The following TMTC1 variants were observed in gnomAD, a reference collection of about 807,000 sequenced individuals.
TMTC1 encodes the protein protein O-mannosyl-transferase TMTC1.
Under a neutral mutation model 104.8 loss-of-function variants are expected in TMTC1, and 73 were observed. That is an observed-to-expected ratio of 0.70 (90% CI 0.58 to 0.85). TMTC1 has a LOEUF of 0.85. TMTC1 is among the 40% of genes least tolerant of loss of function. TMTC1 has a pLI of 0.00. For missense variants in TMTC1, 1,035 were observed against 1,096.1 expected, an observed-to-expected ratio of 0.94 and a Z score of 0.79; for synonymous variants, 434 against 428.7, an observed-to-expected ratio of 1.01 and a Z score of -0.15.
At chr12:29,755,236 G>C (rs1301331617) in intron 4 of TMTC1, among the ~76,000 whole-genome samples, 1 of 152,096 alleles carries the variant, frequency 6.6e-6, no homozygotes, top group Non-Finnish European at 1.5e-5. Flanking sequence ...CTGGCTCTTT[G>C]TGGAATTCCA....
chr12:29,644,858 C>T (rs1196700519), intron 5 of TMTC1, among the ~76,000 whole-genome samples: 2 of 152,166 alleles, frequency 1.3e-5, no homozygotes, highest in Non-Finnish European at 2.9e-5. Flanking sequence ...CTGGAATCAA[C>T]TCTCACAGGT....
chr12:29,519,226 G>C (rs981119053), intron 12 of TMTC1: 1 of 148,214 alleles, frequency 6.7e-6, no homozygotes, highest in Non-Finnish European at 1.5e-5. Flanking sequence ...ACATTTGTAT[G>C]GTTTTTGCAG....
At chr12:29,713,897 A>C (rs1197532918) in intron 5 of TMTC1, among the ~76,000 whole-genome samples, 1 of 152,180 alleles carries the variant, frequency 6.6e-6, no homozygotes, top group African/African-American at 2.4e-5. Context: ...TGTGTTGGTC[A>C]TGAGGGTGGG....
intron 5 of TMTC1, among the ~76,000 whole-genome samples, chr12:29,730,674 A>G (rs1184102731): frequency 6.6e-6 from 1 of 152,208 alleles, no homozygotes; most frequent in Admixed American, 6.5e-5. Flanking sequence ...CCTGAGGCCA[A>G]CAAAGATTTC....
In TMTC1 at chr12:29,580,249, G is replaced by T. The variant is rs1592264983; in HGVS notation, c.1418+3158C>A. The stretch of plus-strand genomic sequence containing the variant: ...TGAGAAGATCGCTTGAGTCTGAGAG[G>T]TCAAGGCTGCAGTGAGCCATGATCA... On this transcript the variant is annotated intron_variant, in intron 8 of 17. Transcript: ENST00000539277. Among the ~76,000 whole-genome samples the T allele has an allele frequency of 5.3e-5, 8 of 152,174 alleles. No homozygotes were observed. In the South Asian group the frequency reaches 1.7e-3, roughly 32 times the overall value.
At chr12:29,752,493 C>A (rs1943116204) in intron 4 of TMTC1, among the ~76,000 whole-genome samples, 1 of 152,208 alleles carries the variant, frequency 6.6e-6, no homozygotes, top group Non-Finnish European at 1.5e-5. Flanking sequence ...CTTTGCCCAG[C>A]AACTACACTT....
intron 15 of TMTC1, among the ~76,000 whole-genome samples, chr12:29,514,849 C>A (rs566719126): frequency 6.6e-6 from 1 of 151,776 alleles, no homozygotes; most frequent in South Asian, 2.1e-4. Context: ...CCTGTCTCTA[C>A]AAAAAAATAC....
chr12:29,660,469 G>A (rs1303744589), intron 5 of TMTC1, among the ~76,000 whole-genome samples: 1 of 152,140 alleles, frequency 6.6e-6, no homozygotes, highest in Admixed American at 6.5e-5. Context: ...AGCTGGGGGT[G>A]GTTTGTTATG....
intron 7 of TMTC1, among the ~76,000 whole-genome samples, chr12:29,586,404 T>G (rs1946135064): frequency 6.6e-6 from 1 of 152,208 alleles, no homozygotes; most frequent in Admixed American, 6.5e-5. Context: ...GACTTCCTCT[T>G]TTCCTAATTG....
intron 5 of TMTC1, among the ~76,000 whole-genome samples, chr12:29,657,411 A>C (rs1340196850): frequency 6.6e-6 from 1 of 152,230 alleles, no homozygotes; most frequent in Admixed American, 6.5e-5. Flanking sequence ...CATTAATACA[A>C]AGCTGGGTTA....
At chr12:29,745,956 A>G (rs1240449845) in intron 5 of TMTC1, among the ~76,000 whole-genome samples, 3 of 152,218 alleles carry the variant, frequency 2.0e-5, no homozygotes, top group African/African-American at 4.8e-5. Flanking sequence ...AGAGAATTCC[A>G]TAGTGAAATG....
rs780024454 is a variant in TMTC1, at chr12:29,768,040, T to C, written c.338A>G (p.Tyr113Cys). The change falls in exon 2 of 18, where the codon TAC becomes TGC. Residue 113 changes from tyrosine (Y) to cysteine (C), a missense_variant. Coordinates refer to ENST00000539277, the MANE Select transcript of TMTC1 (RefSeq NM_001193451.2). ...NIFLTGMNPF[Y>C]FHAVNIILHC... ...TAAAATTATATTTACTGCATGAAAG[T>C]AGAATGGGTTCATACCAGTCAAAAA... The C allele has an allele frequency of 6.2e-7, 1 of 1,613,374 alleles. No homozygotes were observed. The highest frequency in any genetic ancestry group is 8.5e-7 in the Non-Finnish European group (1 of 1,179,672).
chr12:29,607,894 C>A (rs1946745011), intron 6 of TMTC1, among the ~76,000 whole-genome samples: 1 of 152,130 alleles, frequency 6.6e-6, no homozygotes, highest in African/African-American at 2.4e-5. Context: ...TTACACACAG[C>A]CCGCCACCCT....
At chr12:29,685,806 T>C (rs1941073861) in intron 5 of TMTC1, among the ~76,000 whole-genome samples, 1 of 152,118 alleles carries the variant, frequency 6.6e-6, no homozygotes, top group African/African-American at 2.4e-5. Context: ...ATTCAAATTT[T>C]GTAAGATAGA....
intron 6 of TMTC1, among the ~76,000 whole-genome samples, chr12:29,611,891 A>G (rs1008956385): frequency 1.3e-5 from 2 of 152,194 alleles, no homozygotes; most frequent in Non-Finnish European, 2.9e-5. Context: ...AGCACATACC[A>G]TATGCCAGAC....
chr12:29,693,795 A>C lies in TMTC1; in HGVS notation c.938+57871T>G, dbSNP rs542164881. Among the ~76,000 whole-genome samples, 275 of 152,250 alleles carry C rather than the reference A, an allele frequency of 1.8e-3. 1 individual carries two copies. The highest frequency in any genetic ancestry group is 6.3e-3 in the African/African-American group (260 of 41,548). On this transcript the variant is annotated intron_variant, in intron 5 of 17. Coordinates refer to ENST00000539277, the MANE Select transcript of TMTC1 (RefSeq NM_001193451.2). ...GTAAGATTAGAGATGTATTTTCATA[A>C]GAGAAAAGTCTGACAGCCAGGGTTG... is the stretch of plus-strand genomic sequence containing the variant.
At chr12:29,780,113 G>T (rs541196356) in intron 1 of TMTC1, among the ~76,000 whole-genome samples, 5 of 152,224 alleles carry the variant, frequency 3.3e-5, no homozygotes, top group Non-Finnish European at 7.3e-5. Flanking sequence ...ATATGAACAT[G>T]CAGCCACCAT....
intron 5 of TMTC1, among the ~76,000 whole-genome samples, chr12:29,643,612 A>T (rs1427922846): frequency 1.1e-3 from 38 of 35,244 alleles, no homozygotes; most frequent in East Asian, 7.5e-3. Context: ...TATTATATAT[A>T]ATATATATCT....
intron 5 of TMTC1, among the ~76,000 whole-genome samples, chr12:29,685,471 C>T (rs1043619119): frequency 6.6e-6 from 1 of 151,678 alleles, no homozygotes; most frequent in Non-Finnish European, 1.5e-5. Flanking sequence ...TTTTGCTTTG[C>T]TACCAAAATT....
Sources: allele counts gnomAD v4.1 joint callset (sites outside exome capture counted in the v4.1 genomes callset), GRCh38; gene constraint gnomAD v4.1.1; transcripts MANE v1.5; gene names NCBI Gene and HGNC (gene_info 2026-07-23, HGNC 2026-07-21).